Variants in TESMIN observed in about 807,000 individuals in gnomAD.
TESMIN encodes testis expressed metallothionein like protein.
Under a neutral mutation model 47.4 loss-of-function variants are expected in TESMIN, and 34 were observed. The ratio of observed to expected loss-of-function variants is 0.72; its 90% CI spans 0.55 to 0.96. The LOEUF is 0.96. Among genes scored for constraint, TESMIN ranks in the 40% least tolerant of loss-of-function variants. The pLI is 0.00. For missense variants in TESMIN, 610 were observed against 637.2 expected, an observed-to-expected ratio of 0.96 and a Z score of 0.46; for synonymous variants, 278 against 258.9, an observed-to-expected ratio of 1.07 and a Z score of -0.71.
Position 68,708,686 on chromosome 11 carries a change from C to T in TESMIN, c.1335-186G>A, listed in dbSNP as rs192658040. The stretch of plus-strand genomic sequence containing the variant: ...GCACAGTGGTCTGTAATCCCAGCAC[C>T]TTGGGAGGCCAAGGCAGGAGGATGG... On this transcript the variant is annotated intron_variant, in intron 9 of 9. Coordinates refer to ENST00000255087, the MANE Select transcript of TESMIN (RefSeq NM_004923.3). Among the ~76,000 whole-genome samples, 4 of 152,178 alleles carry T rather than the reference C, an allele frequency of 2.6e-5. No individual in the cohort carries two copies. The East Asian group carries it at 5.8e-4, about 22-fold the overall frequency.
At chr11:68,734,305 A>G (rs905149569) in intron 6 of TESMIN, among the ~76,000 whole-genome samples, 34 of 152,314 alleles carry the variant, frequency 2.2e-4, no homozygotes, top group African/African-American at 8.2e-4. Flanking sequence ...CTTCAGGGGC[A>G]TTAGAGAAGA....
chr11:68,708,260 G>T lies in TESMIN; in HGVS notation c.*48C>A, dbSNP rs367894994. 2.7e-6 allele frequency: 4 copies of T among 1,503,762 alleles called. No individual in the cohort carries two copies. The highest frequency in any genetic ancestry group is 3.6e-6 in the Non-Finnish European group (4 of 1,114,946). The allele number at this position is 1,503,762 out of a possible 1,614,324, so 93.2% of individuals were successfully genotyped here. On this transcript the variant is annotated 3_prime_UTR_variant, in exon 10 of 10. Coordinates refer to ENST00000255087, the MANE Select transcript of TESMIN (RefSeq NM_004923.3). ...TCCCCTAAACATCCTTTCTAAACTA[G>T]AGATTTCTAGACTAAGACAAAATCA...
chr11:68,717,626 C>T (rs1347232355), intron 6 of TESMIN, among the ~76,000 whole-genome samples: 5 of 152,172 alleles, frequency 3.3e-5, no homozygotes, highest in Non-Finnish European at 7.3e-5. Context: ...AATGCTGAAC[C>T]TGAAGTCAGC....
intron 6 of TESMIN, chr11:68,737,497 C>T: frequency 1.0e-6 from 1 of 985,764 alleles, no homozygotes; most frequent in Non-Finnish European, 1.2e-6. Context: ...CATCACGAAG[C>T]CATGCCCGAT....
intron 4 of TESMIN, among the ~76,000 whole-genome samples, chr11:68,742,969 CT>C (rs1946475643): frequency 6.6e-6 from 1 of 152,122 alleles, no homozygotes; most frequent in East Asian, 1.9e-4. Context: ...CTTGACCCCC[CT>C]AGGCTCAAGT....
chr11:68,743,744 C>G (rs558892027), intron 4 of TESMIN, among the ~76,000 whole-genome samples: 2 of 152,270 alleles, frequency 1.3e-5, no homozygotes, highest in Non-Finnish European at 2.9e-5. Context: ...CAAGTAGAAG[C>G]ACCTGAACAC....
Position 68,713,354 on chromosome 11 carries a change from T to C in TESMIN, c.1074A>G (p.Gln358=), listed in dbSNP as rs776059986. The C allele has an allele frequency of 2.5e-6, 4 of 1,614,206 alleles. No homozygotes were observed. The East Asian group carries it at 6.7e-5, about 27-fold the overall frequency. ...TGTGCTGGGGCTTGACATTGCCCAA[T>C]TGGCCCTTCCCAATTTTTGGCTGGA... ...EAFQPKIGKG[Q]LGNVKPQHNK... Residue 358 remains glutamine, a synonymous_variant, in exon 8 of 10, where the codon CAA becomes CAG. Transcript: ENST00000255087.
intron 3 of TESMIN, among the ~76,000 whole-genome samples, chr11:68,745,966 C>T (rs1195771100): frequency 6.6e-6 from 1 of 152,214 alleles, no homozygotes; most frequent in Non-Finnish European, 1.5e-5. Context: ...CTACACAGAG[C>T]AGCTGTGCTT....
rs4465374 is a variant in TESMIN, at chr11:68,713,241, G to A, written c.1158+29C>T. On this transcript the variant is annotated intron_variant, in intron 8 of 9. Coordinates refer to ENST00000255087, the MANE Select transcript of TESMIN (RefSeq NM_004923.3). Reference sequence around the variant, plus strand: ...CTCAACATATTTACCTGTGTTTTTTGTTAGTGAGTTAGGGAGCTGGGCACT... The same window carrying A: ...CTCAACATATTTACCTGTGTTTTTTATTAGTGAGTTAGGGAGCTGGGCACT... The A allele has an allele frequency of 3.7e-5, 58 of 1,579,950 alleles. No individual in the cohort carries two copies. The South Asian group carries it at 6.2e-4, about 17-fold the overall frequency.
At chr11:68,723,045 A>G (rs1057042747) in intron 6 of TESMIN, among the ~76,000 whole-genome samples, 1 of 152,204 alleles carries the variant, frequency 6.6e-6, no homozygotes, top group Non-Finnish European at 1.5e-5. Context: ...AAACAACAAA[A>G]TAAGCCAGTG....
intron 9 of TESMIN, among the ~76,000 whole-genome samples, chr11:68,709,358 G>A (rs960407726): frequency 6.6e-6 from 1 of 152,170 alleles, no homozygotes; most frequent in African/African-American, 2.4e-5. Context: ...TGTCCTCCCC[G>A]CAGGCCCACG....
At chr11:68,723,461 C>CT (rs1946225674) in intron 6 of TESMIN, among the ~76,000 whole-genome samples, 1 of 130,508 alleles carries the variant, frequency 7.7e-6, no homozygotes, top group Non-Finnish European at 1.6e-5. Context: ...AGTGCATTTC[C>CT]TAAAAAAAAA....
intron 6 of TESMIN, chr11:68,733,566 G>A (rs1594295990): frequency 6.6e-6 from 1 of 152,192 alleles, no homozygotes; most frequent in South Asian, 2.1e-4. Flanking sequence ...AGTGCTAGCC[G>A]TTCCGGTTTC....
At chr11:68,723,304 T>C (rs912861774) in intron 6 of TESMIN, among the ~76,000 whole-genome samples, 2 of 151,840 alleles carry the variant, frequency 1.3e-5, no homozygotes, top group Admixed American at 1.3e-4. Context: ...GTGGACACTA[T>C]GAAATGTACA....
intron 6 of TESMIN, among the ~76,000 whole-genome samples, 191 bp from the exon 7 acceptor site, chr11:68,716,130 C>T (rs1157240769): frequency 6.6e-6 from 1 of 152,214 alleles, no homozygotes; most frequent in Non-Finnish European, 1.5e-5. Context: ...GTGACTAACA[C>T]AGAAGGGAGT....
At chr11:68,727,828 A>G (rs1220059468) in intron 6 of TESMIN, among the ~76,000 whole-genome samples, 1 of 152,154 alleles carries the variant, frequency 6.6e-6, no homozygotes, top group Non-Finnish European at 1.5e-5. Context: ...TGTTATAGTG[A>G]TCTGCAATCC....
In TESMIN at chr11:68,708,296, A is replaced by C; in HGVS notation, c.*12T>G. 2.6e-6 allele frequency: 4 copies of C among 1,560,616 alleles called. No homozygotes were observed. Among genetic ancestry groups the C allele is most frequent in the Non-Finnish European group, 3.5e-6 (4 of 1,152,520 alleles). ...ACTAAGACAAAATCAACATGCATTC[A>C]CACTTTATACTCTACTCCATTTTCA... On this transcript the variant is annotated 3_prime_UTR_variant, in exon 10 of 10. Transcript: ENST00000255087.
At chr11:68,713,521 T>A (rs1416859191) in intron 7 of TESMIN, 114 bp from the exon 8 acceptor site, 1 of 1,209,684 alleles carries the variant, frequency 8.3e-7, no homozygotes, top group Non-Finnish European at 1.2e-6. Flanking sequence ...ATAAACAGAG[T>A]CTCTTGACAT....
chr11:68,738,446 A>G, intron 6 of TESMIN: 1 of 1,271,830 alleles, frequency 7.9e-7, no homozygotes, highest in Middle Eastern at 3.2e-4. Flanking sequence ...AAACACCAAC[A>G]TAGGACAGCG....
Sources: allele counts gnomAD v4.1 joint callset (sites outside exome capture counted in the v4.1 genomes callset), GRCh38; gene constraint gnomAD v4.1.1; transcripts MANE v1.5; gene names NCBI Gene and HGNC (gene_info 2026-07-23, HGNC 2026-07-21).